Variants in CLEC2A observed in about 807,000 individuals in gnomAD.
CLEC2A encodes the protein C-type lectin domain family 2 member A.
Under a neutral mutation model 18.6 loss-of-function variants are expected in CLEC2A, and 19 were observed. The observed-to-expected ratio is 1.02, with a 90% CI of 0.71 to 1.50. The LOEUF (loss-of-function observed/expected upper bound fraction) is 1.50, where lower values mean the gene tolerates loss of function less well. Among genes scored for constraint, CLEC2A ranks in the 40% most tolerant of loss-of-function variants. The pLI is 0.00. For missense variants in CLEC2A, 190 were observed against 207.9 expected (o/e 0.91, Z 0.53); for synonymous variants, 74 against 64.0 (o/e 1.16, Z -0.75).
intron 4 of CLEC2A, among the ~76,000 whole-genome samples, chr12:9,905,697 G>T (rs1008542294): frequency 2.0e-5 from 3 of 152,226 alleles, no homozygotes; most frequent in Middle Eastern, 3.4e-3. Context: ...GTGCCAGGGG[G>T]TATGGTATTC....
intron 2 of CLEC2A, among the ~76,000 whole-genome samples, chr12:9,923,208 T>G (rs1863202944): frequency 6.6e-6 from 1 of 152,010 alleles, no homozygotes; most frequent in Non-Finnish European, 1.5e-5. Context: ...ATATCCAGAA[T>G]CTACAAAGAA....
chr12:9,924,945 C>G (rs1229969066), intron 2 of CLEC2A, among the ~76,000 whole-genome samples: 2 of 152,162 alleles, frequency 1.3e-5, no homozygotes, highest in East Asian at 3.9e-4. Flanking sequence ...TTCTTATAGT[C>G]AAGGATAGGT....
At position 9,926,266 on chromosome 12, in the gene CLEC2A, T is replaced by C. The variant is rs1431811064; in HGVS notation, c.133A>G (p.Met45Val). ...SIIITTVCII[M>V]IATWSKHAKP... ...TATGAATTAAACCACTCACCTATCA[T>C]AATAATGCAAACTGTAGTAATAATA... is the stretch of plus-strand genomic sequence containing the variant. The change falls in exon 2 of 5, where the codon ATG becomes GTG. Residue 45 changes from methionine to valine, a missense_variant. Coordinates refer to ENST00000455827, the MANE Select transcript of CLEC2A (RefSeq NM_001130711.2). 3 of 1,535,130 alleles carry C rather than the reference T, an allele frequency of 2.0e-6. No homozygotes were observed. Among genetic ancestry groups the C allele is most frequent in the Non-Finnish European group, 2.6e-6 (3 of 1,132,390 alleles).
intron 2 of CLEC2A, among the ~76,000 whole-genome samples, chr12:9,925,030 C>T (rs1376562965): frequency 6.6e-6 from 1 of 152,162 alleles, no homozygotes; most frequent in Non-Finnish European, 1.5e-5. Flanking sequence ...CTTTTCTACC[C>T]AATTAATTAC....
the CLEC2A span, among the ~76,000 whole-genome samples, chr12:9,882,284 T>C: frequency 6.6e-6 from 1 of 152,200 alleles, no homozygotes; most frequent in East Asian, 1.9e-4. Context: ...GCCATATGTA[T>C]TGAACATTCT....
chr12:9,918,202 G>A (rs1863104238), intron 3 of CLEC2A, among the ~76,000 whole-genome samples: 1 of 151,996 alleles, frequency 6.6e-6, no homozygotes, highest in African/African-American at 2.4e-5. Flanking sequence ...GTATTGCCTA[G>A]GTTTTCTTCC....
At position 9,923,282 on chromosome 12, in the gene CLEC2A, A is replaced by G. The variant is rs56133222; in HGVS notation, c.140-1050T>C. 9.8e-3 allele frequency among the ~76,000 whole-genome samples: 1,499 copies of G among 152,354 alleles called. 29 individuals are homozygous for G. The highest frequency in any genetic ancestry group is 0.032 in the African/African-American group (1,351 of 41,572). ...AAGTGGGTGAAGGATATGAACAGACACTTCTCAAAGAAGACATTTACGCAG... is the reference window on the plus strand; with the variant it reads ...AAGTGGGTGAAGGATATGAACAGACGCTTCTCAAAGAAGACATTTACGCAG... On this transcript the variant is annotated intron_variant, in intron 2 of 4. Coordinates refer to ENST00000455827, the MANE Select transcript of CLEC2A (RefSeq NM_001130711.2).
At chr12:9,892,353 A>G in the CLEC2A span, among the ~76,000 whole-genome samples, 1 of 152,214 alleles carries the variant, frequency 6.6e-6, no homozygotes, top group Non-Finnish European at 1.5e-5. Context: ...GGTTGTAAAG[A>G]CAATCTTGAA....
intron 4 of CLEC2A, among the ~76,000 whole-genome samples, chr12:9,907,735 A>G (rs1862925596): frequency 6.6e-6 from 1 of 152,160 alleles, no homozygotes; most frequent in Admixed American, 6.5e-5. Flanking sequence ...ATTTGGCCAA[A>G]AAGGCTAGGG....
downstream of CLEC2A, among the ~76,000 whole-genome samples, chr12:9,912,749 G>C (rs901861795): frequency 6.6e-6 from 1 of 152,000 alleles, no homozygotes; most frequent in African/African-American, 2.4e-5. Flanking sequence ...ACAGGAAGAG[G>C]AGGGACCGTG....
intron 4 of CLEC2A, chr12:9,899,121 A>T (rs2137010842): frequency 1.4e-5 from 2 of 141,478 alleles, no homozygotes; most frequent in Non-Finnish European, 1.5e-5. Context: ...CCCTACTAGT[A>T]AAAAAAAAAA....
chr12:9,907,585 T>TC (rs976455232), intron 4 of CLEC2A, among the ~76,000 whole-genome samples: 3 of 152,158 alleles, frequency 2.0e-5, no homozygotes, highest in African/African-American at 7.2e-5. Flanking sequence ...TCATAGTCCT[T>TC]CCCCTTGTAA....
downstream of CLEC2A, chr12:9,895,608 A>C (rs1862747508): frequency 4.5e-6 from 6 of 1,341,268 alleles, no homozygotes; most frequent in South Asian, 9.4e-5. Context: ...ATTACCTATA[A>C]AAGTTTGGCT....
At chr12:9,893,233 T>A in the CLEC2A span, 1 of 1,433,994 alleles carries the variant, frequency 7.0e-7, no homozygotes, top group Non-Finnish European at 9.3e-7. Flanking sequence ...GTTCACTGCC[T>A]AAGAAGCTTG....
At chr12:9,930,464 T>C (rs1863356536) in intron 1 of CLEC2A, among the ~76,000 whole-genome samples, 1 of 152,116 alleles carries the variant, frequency 6.6e-6, no homozygotes. Context: ...TATCGTCTTC[T>C]GCAAACTTTT....
At chr12:9,930,135 G>A (rs1235825320) in intron 1 of CLEC2A, among the ~76,000 whole-genome samples, 2 of 152,110 alleles carry the variant, frequency 1.3e-5, no homozygotes, top group African/African-American at 4.8e-5. Context: ...GAAAGAATCT[G>A]TTCCAGGCCA....
intron 2 of CLEC2A, 104 bp from the exon 3 acceptor site, chr12:9,922,336 C>A: frequency 1.2e-6 from 1 of 840,896 alleles, no homozygotes; most frequent in Non-Finnish European, 1.7e-6. Flanking sequence ...GTTTGAGGCC[C>A]GTAAGTTAGC....
intron 4 of CLEC2A, among the ~76,000 whole-genome samples, chr12:9,907,282 T>A (rs1299029869): frequency 6.6e-6 from 1 of 152,228 alleles, no homozygotes; most frequent in African/African-American, 2.4e-5. Flanking sequence ...TATAAGCATA[T>A]GTTTTAATTC....
downstream of CLEC2A, among the ~76,000 whole-genome samples, chr12:9,910,854 G>A (rs1023363854): frequency 6.6e-6 from 1 of 152,120 alleles, no homozygotes; most frequent in Non-Finnish European, 1.5e-5. Flanking sequence ...CTCCTCATGG[G>A]AGATGATCTG....
Sources: allele counts gnomAD v4.1 joint callset (sites outside exome capture counted in the v4.1 genomes callset), GRCh38; gene constraint gnomAD v4.1.1; transcripts MANE v1.5; gene names NCBI Gene and HGNC (gene_info 2026-07-23, HGNC 2026-07-21).